Variants in TRIM6 observed in about 807,000 individuals in gnomAD.
TRIM6 encodes tripartite motif-containing protein 6.
TRIM6 carries 43 observed loss-of-function variants against 51.2 expected under a neutral mutation model. The observed-to-expected ratio is 0.84, with a 90% CI of 0.66 to 1.08. The LOEUF (loss-of-function observed/expected upper bound fraction) is 1.08, where lower values mean the gene tolerates loss of function less well. Ranked by LOEUF, TRIM6 falls within the 50% of genes least tolerant of loss-of-function variation. The pLI is 0.00. For missense variants in TRIM6, 669 were observed against 619.0 expected, an observed-to-expected ratio of 1.08 and a Z score of -0.86; for synonymous variants, 215 against 232.4, an observed-to-expected ratio of 0.93 and a Z score of 0.68.
At chr11:5,609,129 A>G (rs1424909223) in intron 5 of TRIM6, among the ~76,000 whole-genome samples, 1 of 152,068 alleles carries the variant, frequency 6.6e-6, no homozygotes, top group African/African-American at 2.4e-5. Flanking sequence ...CGGGAATCAA[A>G]CATGTTCTCT....
chr11:5,609,708 G>T (rs1848451358), intron 5 of TRIM6, among the ~76,000 whole-genome samples: 1 of 152,162 alleles, frequency 6.6e-6, no homozygotes, highest in Admixed American at 6.5e-5. Context: ...AGATCACGAG[G>T]TCAGGAGATC....
In TRIM6 at chr11:5,604,538, A is replaced by G. The variant is rs774415396; in HGVS notation, c.512A>G (p.Lys171Arg). The G allele has an allele frequency of 6.2e-7, 1 of 1,610,352 alleles. No individual in the cohort carries two copies. The highest frequency in any genetic ancestry group is 8.5e-7 in the Non-Finnish European group (1 of 1,178,472). Residue 171 changes from lysine (K) to arginine (R), a missense_variant, in exon 3 of 8, where the codon AAG becomes AGG. Transcript: ENST00000380097. ...ACCTGATTTGTTTTCTTCAAGGAGA[A>G]GTTTCAGGAGTCTCTAAAGAAGCTG... ...VEEVAQEYQE[K>R]FQESLKKLKN...
At chr11:5,601,378 T>C (rs1417061943) in intron 1 of TRIM6, among the ~76,000 whole-genome samples, 2 of 152,224 alleles carry the variant, frequency 1.3e-5, no homozygotes. Flanking sequence ...CTCTTATTTA[T>C]GCAGAGTTGT....
intron 1 of TRIM6, among the ~76,000 whole-genome samples, chr11:5,601,691 G>C (rs542308130): frequency 3.3e-5 from 5 of 152,320 alleles, no homozygotes; most frequent in Admixed American, 6.5e-5. Context: ...CCGGGAGGCA[G>C]AGGTTGCAGT....
At chr11:5,605,889 G>T (rs1049251851) in intron 4 of TRIM6, among the ~76,000 whole-genome samples, 1 of 152,136 alleles carries the variant, frequency 6.6e-6, no homozygotes, top group African/African-American at 2.4e-5. Flanking sequence ...TTTCTGGCTG[G>T]ATAATTCTTT....
At chr11:5,605,218 C>A in intron 3 of TRIM6, 119 bp from the exon 4 acceptor site, 1 of 1,338,318 alleles carries the variant, frequency 7.5e-7, no homozygotes, top group Non-Finnish European at 1.1e-6. Context: ...CATTTACCCT[C>A]CCTCTCCCTG....
At chr11:5,610,494 T>TTGG in intron 6 of TRIM6, 41 bp from the exon 7 acceptor site, 1 of 1,613,972 alleles carries the variant, frequency 6.2e-7, no homozygotes, top group Non-Finnish European at 8.5e-7. Context: ...CATGAGACAG[T>TTGG]TGGTCCTATT....
At chr11:5,608,274 A>C in intron 4 of TRIM6, 98 bp from the exon 5 acceptor site, 1 of 1,541,904 alleles carries the variant, frequency 6.5e-7, no homozygotes, top group South Asian at 1.2e-5. Flanking sequence ...GATTATCTTT[A>C]TTTGTATCAT....
intron 4 of TRIM6, among the ~76,000 whole-genome samples, chr11:5,608,131 CAT>C (rs1848336524): frequency 6.6e-6 from 1 of 152,202 alleles, no homozygotes; most frequent in Non-Finnish European, 1.5e-5. Flanking sequence ...ATTACACACA[CAT>C]ATGCACACAC....
rs779320366 is a variant in TRIM6 at position 5,610,644 on chromosome 11, C to G, written c.985+83C>G. 1.4e-4 allele frequency: 217 copies of G among 1,575,276 alleles called. 1 individual carries two copies. The highest frequency in any genetic ancestry group is 5.1e-4 in the Middle Eastern group (3 of 5,876). ...CTCCCCAGACATAGCCACACAGATC[C>G]TAGGTGTTGATGCCTCCCCCATCCC... On this transcript the variant is annotated intron_variant, in intron 7 of 7. Coordinates refer to ENST00000380097, the MANE Select transcript of TRIM6 (RefSeq NM_001003818.3).
In TRIM6 at chr11:5,611,173, T is replaced by C. The variant is rs199694284; in HGVS notation, c.1382T>C (p.Val461Ala). 177 of 1,614,156 alleles carry C rather than the reference T, an allele frequency of 1.1e-4. No homozygotes were observed. In the Middle Eastern group the frequency reaches 4.0e-3, roughly 36 times the overall value. ...LLSMTVPPRR[V>A]GVFLDYEAGT... ...TCCATGACAGTGCCCCCTCGCCGTGTTGGGGTTTTCTTAGATTATGAGGCT... is the reference window on the plus strand; with the variant it reads ...TCCATGACAGTGCCCCCTCGCCGTGCTGGGGTTTTCTTAGATTATGAGGCT... Residue 461 changes from valine to alanine, a missense_variant, in exon 8 of 8, where the codon GTT becomes GCT. Val to Ala is a moderately conservative substitution (Grantham distance 64). Coordinates refer to ENST00000380097, the MANE Select transcript of TRIM6 (RefSeq NM_001003818.3).
Position 5,603,459 on chromosome 11 carries a change from T to C in TRIM6, c.231T>C (p.Gly77=), listed in dbSNP as rs1262181631. The C allele has an allele frequency of 1.2e-6, 2 of 1,613,820 alleles. No homozygotes were observed. The highest frequency in any genetic ancestry group is 4.5e-5 in the East Asian group (2 of 44,844). Residue 77 remains glycine, a synonymous_variant, in exon 2 of 8, where the codon GGT becomes GGC. Coordinates refer to ENST00000380097, the MANE Select transcript of TRIM6 (RefSeq NM_001003818.3). ...CAAATGGCAGGGAATCAGTGATTGGTCAAGAAGGGGAAAGAAGCTGCCCTG... is the reference window on the plus strand; with the variant it reads ...CAAATGGCAGGGAATCAGTGATTGGCCAAGAAGGGGAAAGAAGCTGCCCTG... The part of the protein sequence containing the change: ...ITPNGRESVI[G]QEGERSCPVC...
At chr11:5,596,942 C>T in intron 1 of TRIM6, 28 bp downstream of exon 1, 1 of 1,613,996 alleles carries the variant, frequency 6.2e-7, no homozygotes, top group South Asian at 1.1e-5. Flanking sequence ...TTGACTGGCT[C>T]TTATTGTCAC....
intron 1 of TRIM6, among the ~76,000 whole-genome samples, chr11:5,600,955 G>A (rs1452855333): frequency 2.0e-5 from 3 of 152,098 alleles, no homozygotes; most frequent in Non-Finnish European, 4.4e-5. Flanking sequence ...TTTCTAAAGA[G>A]TATTCTCAGT....
intron 6 of TRIM6, 57 bp downstream of exon 6, chr11:5,610,302 A>C: frequency 6.2e-7 from 1 of 1,610,834 alleles, no homozygotes; most frequent in South Asian, 1.1e-5. Flanking sequence ...GGGAAGAAAT[A>C]AACGGGATAG....
Position 5,603,703 on chromosome 11 carries a change from T to C in TRIM6, c.475T>C (p.Phe159Leu). The C allele has an allele frequency of 1.2e-6, 2 of 1,613,388 alleles. No individual in the cohort carries two copies. The highest frequency in any genetic ancestry group is 1.7e-6 in the Non-Finnish European group (2 of 1,179,896). The change falls in exon 2 of 8, where the codon TTC (phenylalanine) becomes CTC (leucine). Residue 159 changes from phenylalanine (F) to leucine (L), a missense_variant. Coordinates refer to ENST00000380097, the MANE Select transcript of TRIM6 (RefSeq NM_001003818.3). ...TCAGGAGCACCGTGGTCACCACACG[T>C]TCCTCGTGGAGGAGGTTGCCCAGGA... ...RSQEHRGHHT[F>L]LVEEVAQEYQ... is the part of the protein sequence containing the mutation.
At position 5,596,920 on chromosome 11, in the gene TRIM6, T is replaced by C; in HGVS notation, c.17+6T>C. 1 of 1,614,096 alleles carries C rather than the reference T, an allele frequency of 6.2e-7. No individual in the cohort carries two copies. Among genetic ancestry groups the C allele is most frequent in the African/African-American group, 1.3e-5 (1 of 75,038 alleles). ...CAGATGTGCGGGTCAGAGAGGTATG[T>C]CTACCGTTCTGTTGACTGGCTCTTA... On this transcript the variant is annotated splice_donor_region_variant and intron_variant, in intron 1 of 7. Transcript: ENST00000380097.
upstream of TRIM6, chr11:5,596,601 C>T: frequency 4.5e-6 from 1 of 222,080 alleles, no homozygotes; most frequent in South Asian, 5.2e-5. Context: ...AAGTGAGCAC[C>T]GTTTATCCCC....
intron 4 of TRIM6, among the ~76,000 whole-genome samples, chr11:5,607,969 G>A (rs1848325956): frequency 6.6e-6 from 1 of 152,124 alleles, no homozygotes; most frequent in Non-Finnish European, 1.5e-5. Context: ...TGAAGTTTGA[G>A]AAACAGCCAT....
Sources: gnomAD v4.1 joint callset for allele counts (sites outside exome capture counted in the v4.1 genomes callset) on GRCh38, gnomAD v4.1.1 for gene constraint, MANE v1.5 for transcripts, NCBI Gene and HGNC (gene_info 2026-07-23, HGNC 2026-07-21) for gene names.